The following TCF12 variants were observed in gnomAD, a reference collection of about 807,000 sequenced individuals.
The protein encoded by TCF12 is DNA-binding protein HTF4.
A neutral mutation model predicts 86.0 loss-of-function variants in TCF12; 45 were observed. The observed-to-expected ratio is 0.52, with a 90% CI of 0.41 to 0.67. The LOEUF (loss-of-function observed/expected upper bound fraction) is 0.67, where lower values mean the gene tolerates loss of function less well. Among genes scored for constraint, TCF12 ranks in the 30% least tolerant of loss-of-function variants. TCF12 has a pLI of 0.00. For missense variants in TCF12, 881 were observed against 859.9 expected (o/e 1.02, Z -0.31); for synonymous variants, 330 against 299.6 (o/e 1.10, Z -1.05).
At chr15:57,102,172 G>A (rs185472934) in intron 5 of TCF12, among the ~76,000 whole-genome samples, 299 of 152,236 alleles carry the variant, frequency 2.0e-3, no homozygotes, top group African/African-American at 6.9e-3. Flanking sequence ...ATATATCATT[G>A]ATTTGGGGCT....
chr15:56,942,675 C>T (rs1324616894), intron 3 of TCF12, among the ~76,000 whole-genome samples: 1 of 152,124 alleles, frequency 6.6e-6, no homozygotes, highest in Non-Finnish European at 1.5e-5. Context: ...TATGGCTCAA[C>T]TGGTTTAGGT....
chr15:57,162,942 G>A (rs985647458), intron 5 of TCF12, among the ~76,000 whole-genome samples: 1 of 152,052 alleles, frequency 6.6e-6, no homozygotes, highest in Admixed American at 6.6e-5. Flanking sequence ...TTGAGAGGCC[G>A]AGGTGGGCAG....
chr15:57,272,938 C>A, intron 18 of TCF12, 92 bp from the exon 19 acceptor site: 1 of 1,221,444 alleles, frequency 8.2e-7, no homozygotes, highest in South Asian at 1.5e-5. Context: ...AGGTGGTTTT[C>A]ATTTCCATCT....
At chr15:57,209,042 T>C (rs1167999494) in intron 8 of TCF12, among the ~76,000 whole-genome samples, 1 of 152,224 alleles carries the variant, frequency 6.6e-6, no homozygotes. Context: ...GCATAATTGT[T>C]GTTCACCAGG....
intron 18 of TCF12, among the ~76,000 whole-genome samples, chr15:57,265,066 T>TG (rs1567015072): frequency 7.1e-6 from 1 of 141,450 alleles, no homozygotes; most frequent in East Asian, 2.1e-4. Flanking sequence ...ACTCTAATGA[T>TG]AAATAGTATA....
chr15:57,132,295 T>C (rs1329077763), intron 5 of TCF12, among the ~76,000 whole-genome samples: 2 of 152,228 alleles, frequency 1.3e-5, no homozygotes, highest in African/African-American at 4.8e-5. Context: ...GAATATGTAA[T>C]CACTATTAGC....
intron 6 of TCF12, among the ~76,000 whole-genome samples, chr15:57,187,081 A>G (rs1390237158): frequency 6.6e-6 from 1 of 152,058 alleles, no homozygotes; most frequent in African/African-American, 2.4e-5. Context: ...TTAGGAGGCC[A>G]AGGCACAAGA....
At chr15:57,170,164 T>G (rs1264648151) in intron 6 of TCF12, among the ~76,000 whole-genome samples, 2 of 152,190 alleles carry the variant, frequency 1.3e-5, no homozygotes, top group Admixed American at 6.5e-5. Context: ...TGCTTGAGTG[T>G]TTTGACTATA....
chr15:56,984,197 T>A (rs1470795663), intron 3 of TCF12, among the ~76,000 whole-genome samples: 1 of 151,666 alleles, frequency 6.6e-6, no homozygotes, highest in Non-Finnish European at 1.5e-5. Flanking sequence ...ATTTATACAT[T>A]ATACATATAT....
Position 56,921,043 on chromosome 15 carries a change from T to A in TCF12, c.93T>A (p.Val31=). 6.2e-7 allele frequency: 1 copy of A among 1,603,002 alleles called. No homozygotes were observed. The highest frequency in any genetic ancestry group is 8.5e-7 in the Non-Finnish European group (1 of 1,173,870). Residue 31 remains valine (V), a synonymous_variant, in exon 3 of 21, where the codon GTT becomes GTA. Transcript: ENST00000333725. ...TTTTGCAGATGTTTTCCCCACCTGT[T>A]AATAGTGGGAAAACTAGACCAACTA... The part of the protein sequence containing the change: ...LDFSAMFSPP[V]NSGKTRPTTL...
intron 3 of TCF12, among the ~76,000 whole-genome samples, chr15:56,983,390 A>G (rs529164901): frequency 6.6e-6 from 1 of 152,314 alleles, no homozygotes; most frequent in African/African-American, 2.4e-5. Flanking sequence ...TTTTTGCAAG[A>G]AAGCTGTAGA....
intron 5 of TCF12, among the ~76,000 whole-genome samples, chr15:57,130,378 C>A (rs142749101): frequency 1.3e-5 from 2 of 152,246 alleles, no homozygotes; most frequent in East Asian, 3.9e-4. Context: ...GAGGCAGCAT[C>A]TGTAAATTAC....
Position 57,273,291 on chromosome 15 carries a change from T to G in TCF12, c.1978+29T>G, listed in dbSNP as rs750605152. 8 of 1,604,424 alleles carry G rather than the reference T, an allele frequency of 5.0e-6. No homozygotes were observed. The South Asian group carries it at 8.8e-5, about 18-fold the overall frequency. On this transcript the variant is annotated intron_variant, in intron 19 of 20. Transcript: ENST00000333725. ...AGTAGGTTCAGCCGAGATGTATAACTGTTCTGCTTCAGATGGGCAGACATT... is the reference window on the plus strand; with the variant it reads ...AGTAGGTTCAGCCGAGATGTATAACGGTTCTGCTTCAGATGGGCAGACATT...
intron 18 of TCF12, among the ~76,000 whole-genome samples, chr15:57,270,500 G>A (rs1157560750): frequency 1.3e-5 from 2 of 152,148 alleles, no homozygotes; most frequent in Admixed American, 1.3e-4. Context: ...CAGTGGGTTA[G>A]AACATGCTTC....
At chr15:56,965,233 T>C (rs568946830) in intron 3 of TCF12, among the ~76,000 whole-genome samples, 1 of 152,326 alleles carries the variant, frequency 6.6e-6, no homozygotes, top group African/African-American at 2.4e-5. Flanking sequence ...AATTATATTA[T>C]GCTCTTCTAT....
At chr15:57,233,938 C>T (rs1298713084) in intron 11 of TCF12, 105 bp from the exon 12 acceptor site, 2 of 853,826 alleles carry the variant, frequency 2.3e-6, no homozygotes, top group African/African-American at 3.4e-5. Flanking sequence ...TTTACTGTAA[C>T]AGATGTGAGA....
chr15:57,090,417 A>G (rs1027339242), intron 4 of TCF12, among the ~76,000 whole-genome samples: 5 of 152,340 alleles, frequency 3.3e-5, no homozygotes, highest in South Asian at 4.1e-4. Context: ...TCACATGTCT[A>G]TCAGTAATTC....
intron 8 of TCF12, among the ~76,000 whole-genome samples, chr15:57,220,902 A>C (rs1335595388): frequency 6.6e-6 from 1 of 151,526 alleles, no homozygotes; most frequent in Non-Finnish European, 1.5e-5. Context: ...GAAGGGGGGG[A>C]GAGGGGAGCA....
chr15:57,199,360 A>T (rs538275486), intron 8 of TCF12, among the ~76,000 whole-genome samples: 1 of 152,174 alleles, frequency 6.6e-6, no homozygotes, highest in Non-Finnish European at 1.5e-5. Context: ...TAGCAGTGCA[A>T]TTTTCTTGTA....
Sources: gnomAD v4.1 joint callset for allele counts (sites outside exome capture counted in the v4.1 genomes callset) on GRCh38, gnomAD v4.1.1 for gene constraint, MANE v1.5 for transcripts, NCBI Gene and HGNC (gene_info 2026-07-23, HGNC 2026-07-21) for gene names.